The following ENOX2 variants were observed in gnomAD, a reference collection of about 807,000 sequenced individuals.
The protein encoded by ENOX2 is APK1 antigen.
Under a neutral mutation model 45.0 loss-of-function variants are expected in ENOX2, and 36 were observed. That is an observed-to-expected ratio of 0.80 (90% CI 0.61 to 1.06). The LOEUF (loss-of-function observed/expected upper bound fraction) is 1.06, where lower values mean the gene tolerates loss of function less well. ENOX2 is among the 50% of genes least tolerant of loss of function. The probability of loss-of-function intolerance (pLI) is 0.00; values close to 1 mark genes in which losing one functional copy is unlikely to be tolerated. For synonymous variants in ENOX2, 174 were observed against 152.3 expected, an observed-to-expected ratio of 1.14 and a Z score of -1.05; for missense variants, 423 against 462.5, an observed-to-expected ratio of 0.91 and a Z score of 0.78.
At chrX:130,823,998 C>T (rs887522838) in intron 2 of ENOX2, among the ~76,000 whole-genome samples, 5 of 111,847 alleles carry the variant, frequency 4.5e-5, no homozygotes, top group Non-Finnish European at 9.4e-5. Context: ...ATTTCTCATG[C>T]CATAAAACTA....
Position 130,624,788 on chromosome X carries a change from C to A in ENOX2, c.*526G>T, listed in dbSNP as rs750884527. On this transcript the variant is annotated 3_prime_UTR_variant, in exon 15 of 15. Transcript: ENST00000394363. ...CATGCTTTGTCGTTTAAAAGGTGAACCTGGTCAGGCACCTTCTAGAAGACA... is the reference window on the plus strand; with the variant it reads ...CATGCTTTGTCGTTTAAAAGGTGAAACTGGTCAGGCACCTTCTAGAAGACA... 12 of 112,352 alleles carry A rather than the reference C, an allele frequency of 1.1e-4. No homozygotes were observed. The highest frequency in any genetic ancestry group is 3.6e-4 in the African/African-American group (11 of 30,978). 9.3% of individuals were successfully genotyped at this position (112,352 alleles called of 1,213,427 possible). A position where few individuals can be genotyped will look rare whatever the true frequency, so the allele number is the denominator to read the frequency against.
chrX:130,812,244 A>G (rs1329319831), intron 2 of ENOX2, among the ~76,000 whole-genome samples: 1 of 111,918 alleles, frequency 8.9e-6, no homozygotes, highest in African/African-American at 3.3e-5. Flanking sequence ...CAATCCAAAA[A>G]AGACTATACT....
chrX:130,676,239 G>T (rs763756643), intron 6 of ENOX2, among the ~76,000 whole-genome samples: 1 of 111,715 alleles, frequency 9.0e-6, no homozygotes, highest in East Asian at 2.8e-4. Context: ...TGTGCACAGT[G>T]CCAGCTCCCA....
intron 2 of ENOX2, among the ~76,000 whole-genome samples, chrX:130,839,376 C>G (rs778971148): frequency 9.0e-6 from 1 of 111,427 alleles, no homozygotes; most frequent in Non-Finnish European, 1.9e-5. Flanking sequence ...GTTTTAATAT[C>G]TCTTCTGGGT....
intron 2 of ENOX2, among the ~76,000 whole-genome samples, chrX:130,805,508 C>G (rs1366740779): frequency 8.9e-6 from 1 of 111,760 alleles, no homozygotes; most frequent in South Asian, 3.8e-4. Context: ...TTAAAAATTG[C>G]TTTCGAGCCA....
chrX:130,814,160 C>T (rs916084743), intron 2 of ENOX2, among the ~76,000 whole-genome samples: 1 of 112,322 alleles, frequency 8.9e-6, no homozygotes, highest in African/African-American at 3.2e-5. Context: ...CATGGCAGCT[C>T]AGCAAAGCCA....
intron 2 of ENOX2, among the ~76,000 whole-genome samples, chrX:130,882,699 G>T (rs2078838679): frequency 8.9e-6 from 1 of 112,064 alleles, no homozygotes; most frequent in South Asian, 3.7e-4. Flanking sequence ...ATGGGGGTTG[G>T]AAAGAAAGTA....
Position 130,623,398 on chromosome X carries a change from G to A in ENOX2, c.*1916C>T, listed in dbSNP as rs958437589. ...CTTTTATTTTTTAAGTAAGTTCCGG[G>A]GTACATGTGCAGGATGTGCAGGTTT... On this transcript the variant is annotated 3_prime_UTR_variant, in exon 15 of 15. Coordinates refer to ENST00000394363, the MANE Select transcript of ENOX2 (RefSeq NM_006375.4). 4 of 110,178 alleles carry A rather than the reference G, an allele frequency of 3.6e-5. No individual in the cohort carries two copies. Among genetic ancestry groups the A allele is most frequent in the Non-Finnish European group, 3.8e-5 (2 of 52,862 alleles). 9.1% of individuals were successfully genotyped at this position (110,178 alleles called of 1,213,427 possible). A position where few individuals can be genotyped will look rare whatever the true frequency, so the allele number is the denominator to read the frequency against.
chrX:130,812,878 G>A (rs1305078483), intron 2 of ENOX2, among the ~76,000 whole-genome samples: 1 of 111,368 alleles, frequency 9.0e-6, no homozygotes, highest in Non-Finnish European at 1.9e-5. Flanking sequence ...GTTAGGGGCA[G>A]CACACTACCT....
At chrX:130,826,824 TTC>T (rs1228091053) in intron 2 of ENOX2, among the ~76,000 whole-genome samples, 1 of 111,888 alleles carries the variant, frequency 8.9e-6, no homozygotes, top group Non-Finnish European at 1.9e-5. Flanking sequence ...ATGGTCATTA[TTC>T]AAATCACATA....
At chrX:130,797,110 G>A (rs926056677) in intron 2 of ENOX2, among the ~76,000 whole-genome samples, 2 of 111,715 alleles carry the variant, frequency 1.8e-5, no homozygotes, top group African/African-American at 6.5e-5. Flanking sequence ...CTGTATGAGA[G>A]TTAAAATCAT....
At chrX:130,640,321 G>A (rs1312338576) in intron 10 of ENOX2, among the ~76,000 whole-genome samples, 1 of 112,538 alleles carries the variant, frequency 8.9e-6, no homozygotes, top group Admixed American at 9.4e-5. Context: ...CACTGTTGGT[G>A]GGAGTGTAAA....
Position 130,622,422 on chromosome X carries a change from G to A in ENOX2, c.*2892C>T, listed in dbSNP as rs1000863779. ...AACTCTATATAACTTGAATGCAGAT[G>A]TGTCTTTAATTTTCTATGAAAAATA... On this transcript the variant is annotated 3_prime_UTR_variant, in exon 15 of 15. Transcript: ENST00000394363. 1.8e-5 allele frequency among the ~76,000 whole-genome samples: 2 copies of A among 111,933 alleles called. No individual in the cohort carries two copies. Among genetic ancestry groups the A allele is most frequent in the Non-Finnish European group, 3.8e-5 (2 of 53,247 alleles).
chrX:130,833,564 G>C (rs2077875019), intron 2 of ENOX2, among the ~76,000 whole-genome samples: 1 of 111,394 alleles, frequency 9.0e-6, no homozygotes, highest in South Asian at 3.8e-4. Context: ...TCAGTAGCAG[G>C]TGAAATGTCA....
intron 3 of ENOX2, among the ~76,000 whole-genome samples, chrX:130,719,702 C>T (rs547184603): frequency 5.4e-5 from 6 of 111,597 alleles, no homozygotes; most frequent in Middle Eastern, 4.6e-3. Flanking sequence ...GAGGCAAGAG[C>T]TTTTATACAA....
chrX:130,816,861 A>T (rs1051007356), intron 2 of ENOX2, among the ~76,000 whole-genome samples: 1 of 111,800 alleles, frequency 8.9e-6, no homozygotes, highest in Non-Finnish European at 1.9e-5. Context: ...GAACTAAAGC[A>T]GCAAGAGCAA....
Position 130,739,879 on chromosome X carries a change from C to T in ENOX2, c.-38-36625G>A, listed in dbSNP as rs1157722642. On this transcript the variant is annotated intron_variant, in intron 3 of 14. Transcript: ENST00000394363. ...CAGATCTTAGTACAGGGTCTAGATG[C>T]TACAAAGTAATTTTATGCTTATTTG... Among the ~76,000 whole-genome samples, 3 of 112,208 alleles carry T rather than the reference C, an allele frequency of 2.7e-5. No individual in the cohort carries two copies. In the East Asian group the frequency reaches 8.4e-4, roughly 31 times the overall value.
chrX:130,763,010 C>T (rs189461554), intron 3 of ENOX2, among the ~76,000 whole-genome samples: 2 of 111,360 alleles, frequency 1.8e-5, no homozygotes, highest in Middle Eastern at 4.7e-3. Context: ...GTACTTTGGT[C>T]CATATGCATT....
At chrX:130,874,002 C>A (rs2078649756) in intron 2 of ENOX2, among the ~76,000 whole-genome samples, 1 of 110,639 alleles carries the variant, frequency 9.0e-6, no homozygotes, top group Admixed American at 9.6e-5. Flanking sequence ...ATGTAACAAG[C>A]CTGCACGTTC....
Sources: gnomAD v4.1 joint callset for allele counts (sites outside exome capture counted in the v4.1 genomes callset) on GRCh38, gnomAD v4.1.1 for gene constraint, MANE v1.5 for transcripts, NCBI Gene and HGNC (gene_info 2026-07-23, HGNC 2026-07-21) for gene names.